The following PHACTR3 variants were observed in gnomAD, a reference collection of about 807,000 sequenced individuals.
PHACTR3 encodes protein phosphatase 1, regulatory subunit 123.
In PHACTR3, 16 loss-of-function variants were observed where a neutral mutation model predicts 66.8. The observed-to-expected ratio is 0.24, with a 90% CI of 0.16 to 0.36. The LOEUF (loss-of-function observed/expected upper bound fraction) is 0.36. Among genes scored for constraint, PHACTR3 ranks in the 10% least tolerant of loss-of-function variants. The pLI is 1.00. For synonymous variants in PHACTR3, 323 were observed against 292.1 expected (o/e 1.11, Z -1.08); for missense variants, 647 against 719.9 (o/e 0.90, Z 1.16).
intron 1 of PHACTR3, among the ~76,000 whole-genome samples, chr20:59,639,061 A>T (rs1445979739): frequency 3.4e-4 from 2 of 5,880 alleles, no homozygotes. Context: ...AGATGGATAG[A>T]TGGATGGATG....
chr20:59,713,712 T>C (rs141814315), intron 1 of PHACTR3, among the ~76,000 whole-genome samples: 50 of 152,316 alleles, frequency 3.3e-4, no homozygotes, highest in African/African-American at 1.2e-3. Flanking sequence ...GTGATACCTC[T>C]GGTAACCTTC....
intron 1 of PHACTR3, among the ~76,000 whole-genome samples, chr20:59,686,716 G>GA: frequency 7.6e-6 from 1 of 131,214 alleles, no homozygotes; most frequent in African/African-American, 3.0e-5. Context: ...GGTGGTGATG[G>GA]TGGTGGTTAT....
chr20:59,747,783 G>C lies in PHACTR3; in HGVS notation c.306G>C (p.Arg102Ser). ...TSALEKKMAG[R>S]QGREELIKKG... ...CGCTGGAGAAGAAGATGGCCGGCAG[G>C]CAAGGCCGAGAGGAGCTCATCAAGA... Residue 102 changes from arginine to serine, a missense_variant, in exon 3 of 13, where the codon AGG becomes AGC. By Grantham distance (110) the Arg-to-Ser change is moderately radical (BLOSUM62 -1). Transcript: ENST00000371015. 1 of 1,614,048 alleles carries C rather than the reference G, an allele frequency of 6.2e-7. No individual in the cohort carries two copies. Among genetic ancestry groups the C allele is most frequent in the Non-Finnish European group, 8.5e-7 (1 of 1,179,960 alleles).
chr20:59,764,648 T>A (rs1476198664), intron 4 of PHACTR3, among the ~76,000 whole-genome samples: 1 of 152,136 alleles, frequency 6.6e-6, no homozygotes, highest in Non-Finnish European at 1.5e-5. Flanking sequence ...GTGAGCCAGT[T>A]CCGTGACATC....
intron 1 of PHACTR3, among the ~76,000 whole-genome samples, chr20:59,586,772 T>A (rs2033042002): frequency 6.6e-6 from 1 of 151,266 alleles, no homozygotes; most frequent in Non-Finnish European, 1.5e-5. Context: ...TCCTGCTCAC[T>A]CATCTACACA....
intron 1 of PHACTR3, among the ~76,000 whole-genome samples, chr20:59,678,548 T>C (rs2036532836): frequency 6.6e-6 from 1 of 152,208 alleles, no homozygotes; most frequent in South Asian, 2.1e-4. Flanking sequence ...GTGCTGAGCC[T>C]GTGCTGCTAT....
chr20:59,674,034 C>T lies in PHACTR3; in HGVS notation c.118+68902C>T, dbSNP rs545357631. ...CCTGCCTGCCCGAGGAGTCGAGCTT[C>T]TGATGAAATTCAGCTGAGATTTCGG... On this transcript the variant is annotated intron_variant, in intron 1 of 12. Transcript: ENST00000371015. 1.6e-4 allele frequency among the ~76,000 whole-genome samples: 25 copies of T among 152,246 alleles called. No individual in the cohort carries two copies. In the East Asian group the frequency reaches 2.9e-3, roughly 18 times the overall value.
chr20:59,630,798 G>C (rs2034633517), intron 1 of PHACTR3, among the ~76,000 whole-genome samples: 1 of 152,074 alleles, frequency 6.6e-6, no homozygotes. Flanking sequence ...TACTGTCGAA[G>C]TGGGGAGGGG....
At chr20:59,657,743 T>C (rs916998690) in intron 1 of PHACTR3, among the ~76,000 whole-genome samples, 1 of 152,202 alleles carries the variant, frequency 6.6e-6, no homozygotes, top group Non-Finnish European at 1.5e-5. Flanking sequence ...TTTCTCTTTG[T>C]TGTTTCTCAA....
At chr20:59,626,761 G>C (rs551557321) in intron 1 of PHACTR3, 1 of 152,424 alleles carries the variant, frequency 6.6e-6, no homozygotes, top group East Asian at 1.9e-4. Context: ...AGGATTCGAA[G>C]GTCATTTAGT....
At chr20:59,694,577 A>G (rs183141761) in intron 1 of PHACTR3, among the ~76,000 whole-genome samples, 1 of 152,192 alleles carries the variant, frequency 6.6e-6, no homozygotes, top group East Asian at 1.9e-4. Flanking sequence ...AAGGAGGTGA[A>G]GAGATATAAG....
chr20:59,821,565 A>G (rs2042028743), intron 8 of PHACTR3, among the ~76,000 whole-genome samples: 1 of 152,198 alleles, frequency 6.6e-6, no homozygotes. Context: ...ACTGCTCTGA[A>G]TAGGACCAGC....
At chr20:59,657,818 G>A (rs1437204418) in intron 1 of PHACTR3, among the ~76,000 whole-genome samples, 1 of 152,082 alleles carries the variant, frequency 6.6e-6, no homozygotes, top group Non-Finnish European at 1.5e-5. Context: ...AATTTGTTGA[G>A]TACCTGGGAT....
rs11905118 is a variant in PHACTR3, at chr20:59,845,127, C to T, written c.1588-62C>T. 2,930 of 1,023,048 alleles carry T rather than the reference C, an allele frequency of 2.9e-3. 32 individuals are homozygous for T. The East Asian group carries it at 0.033, about 11-fold the overall frequency. The allele number at this position is 1,023,048 out of a possible 1,614,324, so 63.4% of individuals were successfully genotyped here. The stretch of plus-strand genomic sequence containing the variant: ...ATTAGGAATGGTTAATTTATAAACA[C>T]GATGCTAATTTCCTGATTTTTTTAA... On this transcript the variant is annotated intron_variant, in intron 11 of 12. Transcript: ENST00000371015.
chr20:59,731,801 A>T (rs1274790242), intron 1 of PHACTR3, among the ~76,000 whole-genome samples: 1 of 152,176 alleles, frequency 6.6e-6, no homozygotes, highest in Non-Finnish European at 1.5e-5. Context: ...AAGAAGCTTA[A>T]TGACTTGGGA....
At chr20:59,845,875 C>CTCTG (rs2059138364) in intron 12 of PHACTR3, among the ~76,000 whole-genome samples, 1 of 152,166 alleles carries the variant, frequency 6.6e-6, no homozygotes, top group South Asian at 2.1e-4. Context: ...TGAATATATT[C>CTCTG]TCTGTCTATG....
At chr20:59,807,702 C>T (rs1433453409) in intron 8 of PHACTR3, among the ~76,000 whole-genome samples, 2 of 152,128 alleles carry the variant, frequency 1.3e-5, no homozygotes, top group South Asian at 4.1e-4. Context: ...CCTTACACCA[C>T]GATGTCATAT....
chr20:59,598,815 TC>T, intron 1 of PHACTR3, among the ~76,000 whole-genome samples: 1 of 152,292 alleles, frequency 6.6e-6, no homozygotes, highest in Non-Finnish European at 1.5e-5. Flanking sequence ...GTGTTGTTTT[TC>T]CAGGTGACCA....
At chr20:59,632,114 C>T (rs1192280062) in intron 1 of PHACTR3, among the ~76,000 whole-genome samples, 2 of 152,196 alleles carry the variant, frequency 1.3e-5, no homozygotes, top group African/African-American at 4.8e-5. Flanking sequence ...AATGCTACCA[C>T]ATGCCCTTCA....
Sources: gnomAD v4.1 joint callset for allele counts (sites outside exome capture counted in the v4.1 genomes callset) on GRCh38, gnomAD v4.1.1 for gene constraint, MANE v1.5 for transcripts, NCBI Gene and HGNC (gene_info 2026-07-23, HGNC 2026-07-21) for gene names.